SNX32: variants seen among roughly 807,000 people sequenced by gnomAD.
The protein encoded by SNX32 is sorting nexin-32.
In SNX32, 58 loss-of-function variants were observed where a neutral mutation model predicts 57.0. The ratio of observed to expected loss-of-function variants is 1.02; its 90% CI spans 0.82 to 1.27. The LOEUF (loss-of-function observed/expected upper bound fraction) is 1.27, where lower values mean the gene tolerates loss of function less well. Ranked by LOEUF, SNX32 falls within the 50% of genes most tolerant of loss-of-function variation. The pLI is 0.00. For synonymous variants in SNX32, 262 were observed against 220.4 expected (o/e 1.19, Z -1.67); for missense variants, 589 against 541.2 (o/e 1.09, Z -0.88).
At chr11:65,849,099 G>A (rs761422730) in intron 1 of SNX32, among the ~76,000 whole-genome samples, 2 of 152,060 alleles carry the variant, frequency 1.3e-5, no homozygotes, top group African/African-American at 2.4e-5. Flanking sequence ...AGCTGAGATC[G>A]CGCCACTGCA....
At chr11:65,848,322 C>T (rs183913381) in intron 1 of SNX32, among the ~76,000 whole-genome samples, 18 of 152,010 alleles carry the variant, frequency 1.2e-4, no homozygotes, top group African/African-American at 4.1e-4. Flanking sequence ...ATGTTGCTTC[C>T]GGCCCTTTGG....
At position 65,851,963 on chromosome 11, in the gene SNX32, C is replaced by T. The variant is rs148592031; in HGVS notation, c.825+284C>T. On this transcript the variant is annotated intron_variant, in intron 9 of 12. Coordinates refer to ENST00000308342, the MANE Select transcript of SNX32 (RefSeq NM_152760.3). Reference sequence around the variant, plus strand: ...GTGTGCCCAAACCTCTGGCAGGCTGCACCCAGCTGCCAGCACACTGCCCGG... The same window carrying T: ...GTGTGCCCAAACCTCTGGCAGGCTGTACCCAGCTGCCAGCACACTGCCCGG... 4.0e-3 allele frequency among the ~76,000 whole-genome samples: 611 copies of T among 152,274 alleles called. 3 individuals are homozygous for T. Among genetic ancestry groups the T allele is most frequent in the African/African-American group, 0.014 (587 of 41,542 alleles).
At chr11:65,847,450 T>C (rs1040106223) in intron 1 of SNX32, among the ~76,000 whole-genome samples, 1 of 152,134 alleles carries the variant, frequency 6.6e-6, no homozygotes, top group Non-Finnish European at 1.5e-5. Context: ...AACTCCAGCC[T>C]GAGTGACAGA....
Position 65,853,671 on chromosome 11 carries a change from T to C in SNX32, c.*336T>C. On this transcript the variant is annotated 3_prime_UTR_variant, in exon 13 of 13. Coordinates refer to ENST00000308342, the MANE Select transcript of SNX32 (RefSeq NM_152760.3). ...CTCACTTGATCCCGGCCTGTTCTCC[T>C]TCGCAAATAAAAACCCTGGTTTTGT... 1 of 361,130 alleles carries C rather than the reference T, an allele frequency of 2.8e-6. No homozygotes were observed. The highest frequency in any genetic ancestry group is 5.3e-5 in the East Asian group (1 of 18,964). 22.4% of individuals were successfully genotyped at this position (361,130 alleles called of 1,614,324 possible). A position where few individuals can be genotyped will look rare whatever the true frequency, so the allele number is the denominator to read the frequency against.
chr11:65,850,322 CA>C (rs1242557032), intron 4 of SNX32, 51 bp downstream of exon 4: 4 of 1,613,826 alleles, frequency 2.5e-6, no homozygotes, highest in Non-Finnish European at 3.4e-6. Context: ...ATGTCTTCCC[CA>C]GCTATCTCCC....
rs656040 is a variant in SNX32, at chr11:65,853,586, T to C, written c.*251T>C. 339,416 of 569,746 alleles carry C rather than the reference T, an allele frequency of 0.6. 107,294 individuals are homozygous for C. Among genetic ancestry groups the C allele is most frequent in the Middle Eastern group, 0.72 (1,557 of 2,168 alleles). The allele number at this position is 569,746 out of a possible 1,614,324, so 35.3% of individuals were successfully genotyped here. A position where few individuals can be genotyped will look rare whatever the true frequency, so the allele number is the denominator to read the frequency against. ...GCAGAGCCCCAGGGACCCTGACACC[T>C]CTCCCCAGGAAGCTGAGGAACAGCC... On this transcript the variant is annotated 3_prime_UTR_variant, in exon 13 of 13. Coordinates refer to ENST00000308342, the MANE Select transcript of SNX32 (RefSeq NM_152760.3).
intron 2 of SNX32, 139 bp downstream of exon 2, chr11:65,849,721 A>C (rs1162767979): frequency 2.3e-6 from 2 of 851,708 alleles, no homozygotes; most frequent in African/African-American, 1.7e-5. Context: ...CCTCCTGGAA[A>C]GTGAGCCTCT....
intron 1 of SNX32, among the ~76,000 whole-genome samples, chr11:65,836,449 C>G (rs1191249125): frequency 2.0e-5 from 3 of 152,100 alleles, no homozygotes; most frequent in African/African-American, 7.2e-5. Context: ...GAGACTGAGA[C>G]AGGAGAATAG....
chr11:65,850,744 GC>G lies in SNX32; in HGVS notation c.499-5del. On this transcript the variant is annotated splice_region_variant and splice_polypyrimidine_tract_variant and intron_variant, in intron 5 of 12. Transcript: ENST00000308342. Reference sequence around the variant, plus strand: ...CCCCAGCATCATACCCTCCCTGTGTGCCTCAGCTGAGTGTCCGGGGGAAGAA... The same window carrying G: ...CCCCAGCATCATACCCTCCCTGTGTGCTCAGCTGAGTGTCCGGGGGAAGAA... 1 of 1,613,406 alleles carries G rather than the reference GC, an allele frequency of 6.2e-7. No homozygotes were observed.
chr11:65,850,081 G>A (rs746668911), intron 3 of SNX32, 51 bp downstream of exon 3: 1 of 1,614,204 alleles, frequency 6.2e-7, no homozygotes, highest in East Asian at 2.2e-5. Flanking sequence ...GCACTTGGGT[G>A]AGGACCAAAG....
At chr11:65,850,988 C>T in intron 6 of SNX32, 67 bp from the exon 7 acceptor site, 2 of 1,531,478 alleles carry the variant, frequency 1.3e-6, no homozygotes, top group Non-Finnish European at 1.8e-6. Flanking sequence ...TTTGCCAACC[C>T]TGGGTGCCTG....
At position 65,843,818 on chromosome 11, in the gene SNX32, A is replaced by G. The variant is rs113385552; in HGVS notation, c.37-5660A>G. 1.4e-4 allele frequency among the ~76,000 whole-genome samples: 22 copies of G among 152,354 alleles called. 1 individual carries two copies. The highest frequency in any genetic ancestry group is 5.0e-4 in the African/African-American group (21 of 41,586). On this transcript the variant is annotated intron_variant, in intron 1 of 12. Coordinates refer to ENST00000308342, the MANE Select transcript of SNX32 (RefSeq NM_152760.3). ...GATACTGACAAAAGGTATAATCAAC[A>G]ATGGGTTTGTCTCCAGCAACAGTTC...
At chr11:65,852,373 T>C in intron 9 of SNX32, 92 bp from the exon 10 acceptor site, 1 of 1,147,960 alleles carries the variant, frequency 8.7e-7, no homozygotes, top group African/African-American at 1.5e-5. Flanking sequence ...ACCTAAGGCT[T>C]CTTTGCTGGA....
intron 12 of SNX32, 74 bp from the exon 13 acceptor site, chr11:65,853,208 C>T: frequency 6.3e-7 from 1 of 1,593,488 alleles, no homozygotes; most frequent in Non-Finnish European, 8.6e-7. Flanking sequence ...AGCGAGGGAG[C>T]ATCTAAGGTG....
At chr11:65,840,348 C>T (rs1328649427) in intron 1 of SNX32, among the ~76,000 whole-genome samples, 2 of 152,014 alleles carry the variant, frequency 1.3e-5, no homozygotes, top group African/African-American at 2.4e-5. Context: ...TAAATGCAGT[C>T]CCTCTGAGAT....
intron 1 of SNX32, among the ~76,000 whole-genome samples, chr11:65,839,672 T>C (rs2134689617): frequency 6.6e-6 from 1 of 151,540 alleles, no homozygotes; most frequent in Middle Eastern, 3.4e-3. Context: ...AAAAATTTTT[T>C]TTGTGAACCA....
chr11:65,840,068 T>C (rs1858799477), intron 1 of SNX32, among the ~76,000 whole-genome samples: 1 of 151,844 alleles, frequency 6.6e-6, no homozygotes, highest in Non-Finnish European at 1.5e-5. Context: ...GGTAGGAGAA[T>C]TGCTTGAACC....
rs113181960 is a variant in SNX32 at position 65,845,796 on chromosome 11, G to T, written c.37-3682G>T. 5.9e-5 allele frequency among the ~76,000 whole-genome samples: 9 copies of T among 152,208 alleles called. 1 individual carries two copies. Among genetic ancestry groups the T allele is most frequent in the African/African-American group, 2.2e-4 (9 of 41,534 alleles). ...CTTTATTCATAATAGCCAAAAACTT[G>T]AAATAATCCAAATGACCATCAACAG... is the stretch of plus-strand genomic sequence containing the variant. On this transcript the variant is annotated intron_variant, in intron 1 of 12. Transcript: ENST00000308342.
At chr11:65,837,964 T>G (rs1858716986) in intron 1 of SNX32, among the ~76,000 whole-genome samples, 1 of 152,012 alleles carries the variant, frequency 6.6e-6, no homozygotes, top group East Asian at 1.9e-4. Flanking sequence ...GAGACCAGCC[T>G]GGCCAACATG....
Sources: allele counts gnomAD v4.1 joint callset (sites outside exome capture counted in the v4.1 genomes callset), GRCh38; gene constraint gnomAD v4.1.1; transcripts MANE v1.5; gene names NCBI Gene and HGNC (gene_info 2026-07-23, HGNC 2026-07-21).